The following ROBO1 variants were observed in gnomAD, a reference collection of about 807,000 sequenced individuals.
The protein encoded by ROBO1 is roundabout homolog 1.
In ROBO1, 149 loss-of-function variants were observed where a neutral mutation model predicts 195.9. That is an observed-to-expected ratio of 0.76 (90% CI 0.67 to 0.87). The LOEUF is 0.87. Ranked by LOEUF, ROBO1 falls within the 40% of genes least tolerant of loss-of-function variation. The pLI, the probability that ROBO1 is intolerant of heterozygous loss-of-function variation, is 0.00. For missense variants in ROBO1, 1,933 were observed against 2,068.3 expected (o/e 0.93, Z 1.27); for synonymous variants, 816 against 733.2 (o/e 1.11, Z -1.82).
At chr3:79,490,664 G>GA (rs1437918751) in intron 2 of ROBO1, among the ~76,000 whole-genome samples, 1 of 152,226 alleles carries the variant, frequency 6.6e-6, no homozygotes, top group Non-Finnish European at 1.5e-5. Context: ...CCTCCCAGGA[G>GA]AAAGTTGCCT....
At chr3:79,124,927 C>T (rs2080186665) in intron 3 of ROBO1, among the ~76,000 whole-genome samples, 1 of 152,050 alleles carries the variant, frequency 6.6e-6, no homozygotes, top group East Asian at 1.9e-4. Context: ...TGTACACATG[C>T]ATCTATTTCA....
At chr3:79,751,682 A>G (rs1322403722) in intron 1 of ROBO1, among the ~76,000 whole-genome samples, 1 of 152,182 alleles carries the variant, frequency 6.6e-6, no homozygotes, top group African/African-American at 2.4e-5. Flanking sequence ...TCGTATTTCA[A>G]TGTATCTTGC....
intron 3 of ROBO1, among the ~76,000 whole-genome samples, chr3:79,045,350 G>T (rs565052758): frequency 6.6e-6 from 1 of 152,090 alleles, no homozygotes; most frequent in Admixed American, 6.6e-5. Flanking sequence ...AAAAAAGCTA[G>T]TGAAAATAAA....
intron 2 of ROBO1, among the ~76,000 whole-genome samples, chr3:79,247,020 A>C (rs937654386): frequency 2.6e-5 from 4 of 151,892 alleles, no homozygotes; most frequent in Non-Finnish European, 4.4e-5. Context: ...CATTATTGTC[A>C]GGCAGTCTTT....
chr3:79,306,384 T>TG (rs2033219337), intron 2 of ROBO1, among the ~76,000 whole-genome samples: 1 of 99,444 alleles, frequency 1.0e-5, no homozygotes, highest in African/African-American at 4.9e-5. Flanking sequence ...AAGATATCAA[T>TG]TTTTTTTTAG....
intron 4 of ROBO1, among the ~76,000 whole-genome samples, chr3:78,785,965 T>C (rs2083820689): frequency 6.6e-6 from 1 of 152,146 alleles, no homozygotes; most frequent in Admixed American, 6.6e-5. Flanking sequence ...AACCAATATT[T>C]CTAAGGTACC....
At chr3:79,120,218 A>G (rs868366557) in intron 3 of ROBO1, among the ~76,000 whole-genome samples, 5 of 152,206 alleles carry the variant, frequency 3.3e-5, no homozygotes, top group African/African-American at 9.6e-5. Flanking sequence ...AAATTAGGAG[A>G]GAAAAACAAG....
At chr3:79,746,799 T>G (rs1425619808) in intron 1 of ROBO1, among the ~76,000 whole-genome samples, 1 of 152,098 alleles carries the variant, frequency 6.6e-6, no homozygotes, top group Non-Finnish European at 1.5e-5. Flanking sequence ...ATAGTAATTT[T>G]AACAAAAACA....
At chr3:78,874,017 AT>A (rs35788384) in intron 4 of ROBO1, among the ~76,000 whole-genome samples, 23 of 149,192 alleles carry the variant, frequency 1.5e-4, no homozygotes, top group African/African-American at 4.4e-4. Flanking sequence ...TAAAGAGAGG[AT>A]TTTTTTTTTA....
At chr3:79,335,153 A>C (rs978475536) in intron 2 of ROBO1, among the ~76,000 whole-genome samples, 3 of 152,272 alleles carry the variant, frequency 2.0e-5, no homozygotes, top group Admixed American at 2.0e-4. Flanking sequence ...AAAATAACAG[A>C]AAACATTTTA....
Position 78,712,655 on chromosome 3 carries a change from C to T in ROBO1, c.1045+1742G>A, listed in dbSNP as rs553263277. ...TTAAACATTTATAGAAAACACAACG[C>T]AGTTGAAATGAGAACTTCTAAATTC... On this transcript the variant is annotated intron_variant, in intron 8 of 30. Transcript: ENST00000464233. 2.0e-5 allele frequency among the ~76,000 whole-genome samples: 3 copies of T among 152,202 alleles called. No individual in the cohort carries two copies. The East Asian group carries it at 5.8e-4, about 29-fold the overall frequency.
rs182089439 is a variant in ROBO1, at chr3:78,869,039, G to A, written c.499+69562C>T. On this transcript the variant is annotated intron_variant, in intron 4 of 30. Coordinates refer to ENST00000464233, the MANE Select transcript of ROBO1 (RefSeq NM_002941.4). ...GTTATGTAGTTACTTCTGCTTTAGA[G>A]TAAGAATAAAAAAATTAAATAAAAT... is the stretch of plus-strand genomic sequence containing the variant. Among the ~76,000 whole-genome samples, 200 of 152,156 alleles carry A rather than the reference G, an allele frequency of 1.3e-3. 1 individual carries two copies. The highest frequency in any genetic ancestry group is 4.6e-3 in the African/African-American group (191 of 41,540).
chr3:79,744,765 G>A (rs57942476), intron 1 of ROBO1, among the ~76,000 whole-genome samples: 1,890 of 152,224 alleles, frequency 0.012, 40 homozygotes, highest in African/African-American at 0.044. Context: ...AATAAGGGAT[G>A]TGTGAAGAAA....
chr3:79,389,229 A>G (rs2036861725), intron 2 of ROBO1, among the ~76,000 whole-genome samples: 1 of 152,064 alleles, frequency 6.6e-6, no homozygotes, highest in African/African-American at 2.4e-5. Context: ...CTAACTACAC[A>G]TAAAATGAAT....
intron 4 of ROBO1, among the ~76,000 whole-genome samples, chr3:78,817,819 C>T (rs961839876): frequency 1.3e-5 from 2 of 152,116 alleles, no homozygotes; most frequent in African/African-American, 2.4e-5. Context: ...TTCCAACTAC[C>T]GTGGTTCCTA....
chr3:78,660,009 C>T (rs2118068), intron 16 of ROBO1: 248,424 of 321,460 alleles, frequency 0.77, 97,720 homozygotes, highest in South Asian at 0.86. Context: ...CAACCTCCCC[C>T]TCCCGGGTTC....
intron 3 of ROBO1, among the ~76,000 whole-genome samples, chr3:79,003,406 C>T (rs184772420): frequency 2.0e-3 from 305 of 152,054 alleles, no homozygotes; most frequent in African/African-American, 7.0e-3. Flanking sequence ...CAAAACAAAA[C>T]AAACAAAACT....
At chr3:79,559,394 A>G (rs1231013120) in intron 2 of ROBO1, among the ~76,000 whole-genome samples, 1 of 152,170 alleles carries the variant, frequency 6.6e-6, no homozygotes, top group Non-Finnish European at 1.5e-5. Context: ...ACAAAACTGT[A>G]ATATGTCTTA....
At chr3:79,358,826 C>T (rs2035659236) in intron 2 of ROBO1, among the ~76,000 whole-genome samples, 1 of 152,020 alleles carries the variant, frequency 6.6e-6, no homozygotes, top group Admixed American at 6.6e-5. Flanking sequence ...TATAAAATGA[C>T]ACACTTTCAC....
Sources: allele counts gnomAD v4.1 joint callset (sites outside exome capture counted in the v4.1 genomes callset), GRCh38; gene constraint gnomAD v4.1.1; transcripts MANE v1.5; gene names NCBI Gene and HGNC (gene_info 2026-07-23, HGNC 2026-07-21).